PHF14: variants seen among roughly 807,000 people sequenced by gnomAD.
PHF14 encodes the protein PHD finger protein 14.
Under a neutral mutation model 117.9 loss-of-function variants are expected in PHF14, and 55 were observed. That is an observed-to-expected ratio of 0.47 (90% CI 0.38 to 0.58). The LOEUF (loss-of-function observed/expected upper bound fraction) is 0.58. Among genes scored for constraint, PHF14 ranks in the 20% least tolerant of loss-of-function variants. The probability of loss-of-function intolerance (pLI) is 0.00; values close to 1 mark genes in which losing one functional copy is unlikely to be tolerated. For synonymous variants in PHF14, 409 were observed against 368.6 expected (o/e 1.11, Z -1.26); for missense variants, 978 against 1,122.2 (o/e 0.87, Z 1.84).
Position 11,113,128 on chromosome 7 carries a change from T to C in PHF14, c.2772+1661T>C, listed in dbSNP as rs1260703157. ...CAAGTTAGGAAAACAATTTTTGAAA[T>C]AGGATTTCCCACCTTTTTTAAATAT... On this transcript the variant is annotated intron_variant, in intron 17 of 17. Coordinates refer to ENST00000634607, the MANE Select transcript of PHF14 (RefSeq NM_001007157.2). Among the ~76,000 whole-genome samples the C allele has an allele frequency of 2.0e-5, 3 of 152,060 alleles. No homozygotes were observed. The East Asian group carries it at 5.8e-4, about 29-fold the overall frequency.
At position 11,051,729 on chromosome 7, in the gene PHF14, T is replaced by A; in HGVS notation, c.2430T>A (p.Phe810Leu). The A allele has an allele frequency of 6.2e-7, 1 of 1,613,726 alleles. No homozygotes were observed. Among genetic ancestry groups the A allele is most frequent in the Non-Finnish European group, 8.5e-7 (1 of 1,179,710 alleles). Residue 810 changes from phenylalanine (F) to leucine (L), a missense_variant, in exon 14 of 18, where the codon TTT (phenylalanine) becomes TTA (leucine). By Grantham distance (22) the Phe-to-Leu change is conservative (BLOSUM62 0). Coordinates refer to ENST00000634607, the MANE Select transcript of PHF14 (RefSeq NM_001007157.2). ...SRRQIKEPVK[F>L]VPQDVPPEPK... ...GGCAGATTAAGGAACCAGTGAAATT[T>A]GTTCCACAGGATGTGCCACCAGAAC...
intron 16 of PHF14, among the ~76,000 whole-genome samples, chr7:11,066,855 T>C (rs909015583): frequency 2.0e-5 from 3 of 152,202 alleles, no homozygotes; most frequent in Non-Finnish European, 4.4e-5. Context: ...CTGGATCCTT[T>C]GCATTTTCAT....
intron 13 of PHF14, among the ~76,000 whole-genome samples, chr7:11,047,435 C>T (rs1461305074): frequency 6.6e-6 from 1 of 151,844 alleles, no homozygotes; most frequent in Non-Finnish European, 1.5e-5. Context: ...TTCTGAAATT[C>T]CATTGGGTCA....
chr7:11,140,066 G>C (rs1414628276), intron 17 of PHF14, among the ~76,000 whole-genome samples: 1 of 151,978 alleles, frequency 6.6e-6, no homozygotes, highest in Admixed American at 6.6e-5. Context: ...ACACTATTCT[G>C]TACACATCCC....
At chr7:11,048,921 A>C (rs1017625675) in intron 13 of PHF14, among the ~76,000 whole-genome samples, 4 of 152,170 alleles carry the variant, frequency 2.6e-5, no homozygotes, top group African/African-American at 4.8e-5. Context: ...TCAGGGTGTA[A>C]CATTTCTATT....
At chr7:11,148,579 T>A (rs1440451799) in intron 17 of PHF14, among the ~76,000 whole-genome samples, 1 of 150,342 alleles carries the variant, frequency 6.7e-6, no homozygotes, top group East Asian at 1.9e-4. Flanking sequence ...TATCAAAATA[T>A]GAAATTATTT....
intron 17 of PHF14, among the ~76,000 whole-genome samples, chr7:11,138,039 TTC>T (rs1788276441): frequency 2.6e-5 from 3 of 117,588 alleles, no homozygotes; most frequent in Non-Finnish European, 5.3e-5. Flanking sequence ...GGAAAAATAC[TTC>T]TTTTTTTTTT....
chr7:10,982,318 G>C, intron 2 of PHF14, 54 bp from the exon 3 acceptor site: 2 of 1,129,490 alleles, frequency 1.8e-6, no homozygotes, highest in Non-Finnish European at 1.2e-6. Context: ...TTGTGTGTGT[G>C]TGTGTGTATG....
intron 17 of PHF14, among the ~76,000 whole-genome samples, chr7:11,112,204 A>G (rs1009265621): frequency 6.6e-6 from 1 of 152,092 alleles, no homozygotes; most frequent in Non-Finnish European, 1.5e-5. Flanking sequence ...GATTAATCCG[A>G]TTTTTCTTTC....
At chr7:10,979,777 C>G (rs1343953431) in intron 2 of PHF14, among the ~76,000 whole-genome samples, 2 of 151,888 alleles carry the variant, frequency 1.3e-5, no homozygotes, top group Non-Finnish European at 2.9e-5. Flanking sequence ...TTTCAGATAT[C>G]AGAGAAAGAT....
chr7:11,063,455 A>G, intron 16 of PHF14: 1 of 979,716 alleles, frequency 1.0e-6, no homozygotes, highest in African/African-American at 1.7e-5. Flanking sequence ...AATGAACAAA[A>G]ATTTAATTCA....
rs1015172582 is a variant in PHF14, at chr7:11,102,540, A to G, written c.2655-8810A>G. The G allele has an allele frequency of 4.3e-6, 7 of 1,611,286 alleles. No homozygotes were observed. In the African/African-American group the frequency reaches 9.4e-5, roughly 22 times the overall value. On this transcript the variant is annotated intron_variant, in intron 16 of 17. Transcript: ENST00000634607. The stretch of plus-strand genomic sequence containing the variant: ...AGCTCATCCTCGGAGGCAATCCCGG[A>G]AACCTCTTTTATAAGTGTGATTTTA...
chr7:10,996,011 C>T (rs976925281), intron 4 of PHF14, among the ~76,000 whole-genome samples: 17 of 152,220 alleles, frequency 1.1e-4, no homozygotes, highest in African/African-American at 3.1e-4. Flanking sequence ...TCAAGTGCGG[C>T]CAGAGTGGGC....
intron 16 of PHF14, among the ~76,000 whole-genome samples, chr7:11,076,623 A>G (rs1229964327): frequency 7.1e-6 from 1 of 140,362 alleles, no homozygotes; most frequent in African/African-American, 2.7e-5. Flanking sequence ...GCTGGAGTGC[A>G]GTGGCGTGAT....
intron 11 of PHF14, among the ~76,000 whole-genome samples, chr7:11,040,374 GT>G (rs905863867): frequency 6.6e-6 from 1 of 151,488 alleles, no homozygotes; most frequent in African/African-American, 2.4e-5. Flanking sequence ...ACTGTGTTTT[GT>G]TTTTTTTAAA....
intron 17 of PHF14, among the ~76,000 whole-genome samples, chr7:11,165,427 A>C (rs939755487): frequency 6.6e-6 from 1 of 152,168 alleles, no homozygotes; most frequent in African/African-American, 2.4e-5. Context: ...GTTGTTTGCC[A>C]TGTTTCTCCA....
At chr7:10,978,240 C>T (rs1490374245) in intron 2 of PHF14, among the ~76,000 whole-genome samples, 1 of 151,746 alleles carries the variant, frequency 6.6e-6, no homozygotes, top group Non-Finnish European at 1.5e-5. Context: ...GGTGAATTTA[C>T]AAAACAGTAG....
At chr7:11,165,525 C>G (rs1789176139) in intron 17 of PHF14, among the ~76,000 whole-genome samples, 1 of 152,010 alleles carries the variant, frequency 6.6e-6, no homozygotes, top group African/African-American at 2.4e-5. Context: ...TAAAGGATTA[C>G]AAGAGTTTAA....
intron 5 of PHF14, among the ~76,000 whole-genome samples, chr7:11,021,616 A>C (rs1783738955): frequency 6.6e-6 from 1 of 152,192 alleles, no homozygotes; most frequent in Admixed American, 6.5e-5. Context: ...ACTCCTACAG[A>C]GTATAGCGAC....
Sources: allele counts gnomAD v4.1 joint callset (sites outside exome capture counted in the v4.1 genomes callset), GRCh38; gene constraint gnomAD v4.1.1; transcripts MANE v1.5; gene names NCBI Gene and HGNC (gene_info 2026-07-23, HGNC 2026-07-21).